ACAD11: variants seen among roughly 807,000 people sequenced by gnomAD.
The protein encoded by ACAD11 is acyl-CoA dehydrogenase family member 11.
ACAD11 carries 83 observed loss-of-function variants against 102.2 expected under a neutral mutation model. The observed-to-expected ratio is 0.81, with a 90% CI of 0.68 to 0.97. ACAD11 has a LOEUF of 0.97. Ranked by LOEUF, ACAD11 falls within the 50% of genes least tolerant of loss-of-function variation. The pLI is 0.00. For missense variants in ACAD11, 901 were observed against 951.7 expected (o/e 0.95, Z 0.70); for synonymous variants, 324 against 319.8 (o/e 1.01, Z -0.14).
At chr3:132,619,139 T>G (rs887290554) in intron 10 of ACAD11, among the ~76,000 whole-genome samples, 5 of 152,212 alleles carry the variant, frequency 3.3e-5, no homozygotes, top group African/African-American at 7.2e-5. Flanking sequence ...TGTTAAGATT[T>G]GAAAAACATG....
At chr3:132,626,100 C>A (rs1383082052) in intron 9 of ACAD11, among the ~76,000 whole-genome samples, 1 of 152,186 alleles carries the variant, frequency 6.6e-6, no homozygotes, top group Non-Finnish European at 1.5e-5. Context: ...CTAAGCTTCA[C>A]ATGAGCATAA....
chr3:132,642,397 T>C (rs1940558470), intron 3 of ACAD11, among the ~76,000 whole-genome samples: 1 of 152,202 alleles, frequency 6.6e-6, no homozygotes, highest in African/African-American at 2.4e-5. Flanking sequence ...TTATGGACAA[T>C]TTGGTTATTG....
At chr3:132,570,844 T>C (rs1003177581) in intron 17 of ACAD11, among the ~76,000 whole-genome samples, 1 of 152,216 alleles carries the variant, frequency 6.6e-6, no homozygotes, top group Admixed American at 6.5e-5. Flanking sequence ...AATCAACTTA[T>C]TCTTTTTACG....
intron 5 of ACAD11, among the ~76,000 whole-genome samples, chr3:132,634,109 A>C (rs1237987195): frequency 6.6e-6 from 1 of 152,244 alleles, no homozygotes; most frequent in Non-Finnish European, 1.5e-5. Flanking sequence ...CTACCATCAG[A>C]GTGAACAGGC....
chr3:132,567,065 G>A (rs1382255326), intron 17 of ACAD11, among the ~76,000 whole-genome samples: 6 of 152,074 alleles, frequency 3.9e-5, no homozygotes, highest in South Asian at 2.1e-4. Flanking sequence ...TGCAACCTCC[G>A]CCTCCTGGGT....
chr3:132,615,350 A>G (rs1360293453), intron 11 of ACAD11, among the ~76,000 whole-genome samples: 2 of 152,246 alleles, frequency 1.3e-5, no homozygotes, highest in Non-Finnish European at 2.9e-5. Flanking sequence ...ATTATAAATC[A>G]TTCTACTATA....
chr3:132,639,974 A>G (rs992571335), intron 4 of ACAD11, among the ~76,000 whole-genome samples: 4 of 151,176 alleles, frequency 2.6e-5, no homozygotes, highest in Admixed American at 6.6e-5. Context: ...ATACAAACAC[A>G]CACACGCACA....
chr3:132,656,867 T>G (rs1937838739), intron 1 of ACAD11, among the ~76,000 whole-genome samples: 1 of 151,912 alleles, frequency 6.6e-6, no homozygotes, highest in South Asian at 2.1e-4. Flanking sequence ...TTTTTTAATT[T>G]GCATTTCCCT....
intron 13 of ACAD11, among the ~76,000 whole-genome samples, chr3:132,581,785 G>A (rs886135429): frequency 3.3e-5 from 5 of 151,912 alleles, no homozygotes; most frequent in African/African-American, 7.2e-5. Flanking sequence ...GAATGGCCCA[G>A]GTGATTTTAT....
chr3:132,569,571 G>A (rs1247170029), intron 17 of ACAD11, among the ~76,000 whole-genome samples: 1 of 152,262 alleles, frequency 6.6e-6, no homozygotes, highest in East Asian at 1.9e-4. Context: ...CAACCCAGAT[G>A]TCCCTCAACA....
rs1029228396 is a variant in ACAD11, at chr3:132,580,458, G to A, written c.1622-900C>T. Among the ~76,000 whole-genome samples the A allele has an allele frequency of 3.9e-5, 6 of 152,030 alleles. No individual in the cohort carries two copies. The East Asian group carries it at 1.2e-3, about 29-fold the overall frequency. On this transcript the variant is annotated intron_variant, in intron 13 of 19. Coordinates refer to ENST00000264990, the MANE Select transcript of ACAD11 (RefSeq NM_032169.5). ...AATTGCAATAAAAAGAAAAAAGAGA[G>A]ATAGAGAAGTAGCTTGTAAGATCAA...
At chr3:132,609,355 G>GT (rs1553762168) in intron 11 of ACAD11, among the ~76,000 whole-genome samples, 1 of 152,010 alleles carries the variant, frequency 6.6e-6, no homozygotes, top group Non-Finnish European at 1.5e-5. Context: ...TCCAGGAGCT[G>GT]TTTTTTTGAA....
At chr3:132,640,451 AAT>A (rs967402288) in intron 4 of ACAD11, among the ~76,000 whole-genome samples, 1 of 152,198 alleles carries the variant, frequency 6.6e-6, no homozygotes, top group Non-Finnish European at 1.5e-5. Context: ...TACAGGTATG[AAT>A]AGTGTAAAGA....
chr3:132,639,348 A>C, intron 5 of ACAD11, 144 bp downstream of exon 5: 3 of 673,560 alleles, frequency 4.5e-6, no homozygotes, highest in Non-Finnish European at 6.8e-6. Flanking sequence ...TCCTTTCTAA[A>C]AATTTTGAGT....
At chr3:132,629,564 T>C (rs1315642301) in intron 7 of ACAD11, among the ~76,000 whole-genome samples, 1 of 152,240 alleles carries the variant, frequency 6.6e-6, no homozygotes, top group Non-Finnish European at 1.5e-5. Context: ...TTGTGGAAAC[T>C]GTCAAACACA....
intron 13 of ACAD11, among the ~76,000 whole-genome samples, chr3:132,587,765 A>C (rs1937902734): frequency 6.6e-6 from 1 of 152,174 alleles, no homozygotes; most frequent in Non-Finnish European, 1.5e-5. Flanking sequence ...ACTTAGGTAG[A>C]GTAAAACTGC....
intron 4 of ACAD11, among the ~76,000 whole-genome samples, chr3:132,640,606 C>G (rs889014761): frequency 6.6e-6 from 1 of 152,124 alleles, no homozygotes; most frequent in Non-Finnish European, 1.5e-5. Flanking sequence ...AGAGCAAAGA[C>G]CTTTACTTGG....
chr3:132,591,877 G>T (rs1264726533), intron 13 of ACAD11, among the ~76,000 whole-genome samples: 1 of 152,118 alleles, frequency 6.6e-6, no homozygotes, highest in Non-Finnish European at 1.5e-5. Context: ...AGGCAATAGA[G>T]TGAGATTTTG....
chr3:132,642,222 T>C, intron 3 of ACAD11, 89 bp from the exon 4 acceptor site: 1 of 1,287,130 alleles, frequency 7.8e-7, no homozygotes, highest in South Asian at 1.6e-5. Flanking sequence ...GTGAAACATA[T>C]TTAATATTAG....
Sources: gnomAD v4.1 joint callset for allele counts (sites outside exome capture counted in the v4.1 genomes callset) on GRCh38, gnomAD v4.1.1 for gene constraint, MANE v1.5 for transcripts, NCBI Gene and HGNC (gene_info 2026-07-23, HGNC 2026-07-21) for gene names.